The following ASCC3 variants were observed in gnomAD, a reference collection of about 807,000 sequenced individuals.
ASCC3 encodes ASC-1 complex subunit P200.
A neutral mutation model predicts 256.3 loss-of-function variants in ASCC3; 158 were observed. The observed-to-expected ratio is 0.62, with a 90% CI of 0.54 to 0.70. The LOEUF (loss-of-function observed/expected upper bound fraction) is 0.70, where lower values mean the gene tolerates loss of function less well. Ranked by LOEUF, ASCC3 falls within the 30% of genes least tolerant of loss-of-function variation. The pLI, the probability that ASCC3 is intolerant of heterozygous loss-of-function variation, is 0.00. For synonymous variants in ASCC3, 948 were observed against 883.4 expected (o/e 1.07, Z -1.30); for missense variants, 2,259 against 2,626.0 (o/e 0.86, Z 3.05).
intron 11 of ASCC3, among the ~76,000 whole-genome samples, chr6:100,720,292 C>T (rs548820475): frequency 1.3e-5 from 2 of 151,718 alleles, no homozygotes; most frequent in South Asian, 2.1e-4. Context: ...TCATCATAAG[C>T]GTTAAAACTA....
At position 100,840,884 on chromosome 6, in the gene ASCC3, C is replaced by T. The variant is rs906923336; in HGVS notation, c.801+7264G>A. ...GGATATATTTTTCAAAATTAGAAAA[C>T]GAGTTGTATAAAGAATGGGTGGCAA... On this transcript the variant is annotated intron_variant, in intron 4 of 41. Coordinates refer to ENST00000369162, the MANE Select transcript of ASCC3 (RefSeq NM_006828.4). 6.0e-5 allele frequency among the ~76,000 whole-genome samples: 9 copies of T among 150,572 alleles called. No homozygotes were observed. The East Asian group carries it at 7.8e-4, about 13-fold the overall frequency.
At chr6:100,517,819 T>C (rs1774108044) in intron 38 of ASCC3, among the ~76,000 whole-genome samples, 172 bp downstream of exon 38, 1 of 152,120 alleles carries the variant, frequency 6.6e-6, no homozygotes, top group Non-Finnish European at 1.5e-5. Context: ...GATGATCAAA[T>C]TCCAAACAAG....
intron 39 of ASCC3, among the ~76,000 whole-genome samples, chr6:100,514,622 A>G (rs1429115668): frequency 6.6e-6 from 1 of 151,630 alleles, no homozygotes; most frequent in East Asian, 1.9e-4. Context: ...ATATATATAT[A>G]TATTTATGTA....
chr6:100,572,778 A>C (rs1770664067), intron 36 of ASCC3, among the ~76,000 whole-genome samples: 1 of 152,180 alleles, frequency 6.6e-6, no homozygotes, highest in African/African-American at 2.4e-5. Context: ...AATGAACAAA[A>C]AAATGCTGAA....
intron 2 of ASCC3, among the ~76,000 whole-genome samples, chr6:100,865,896 T>C (rs1434202254): frequency 6.6e-6 from 1 of 152,184 alleles, no homozygotes; most frequent in Non-Finnish European, 1.5e-5. Flanking sequence ...GTGACATTTA[T>C]ATGAAACCTG....
At chr6:100,746,563 G>T (rs1187497693) in intron 10 of ASCC3, among the ~76,000 whole-genome samples, 1 of 152,094 alleles carries the variant, frequency 6.6e-6, no homozygotes, top group Non-Finnish European at 1.5e-5. Context: ...TTCTGGGAGT[G>T]CAAGATTTGC....
intron 36 of ASCC3, among the ~76,000 whole-genome samples, chr6:100,557,102 C>T (rs988223226): frequency 6.6e-6 from 1 of 152,214 alleles, no homozygotes; most frequent in South Asian, 2.1e-4. Flanking sequence ...ATCTACTGAG[C>T]GAGCAGAAGC....
intron 36 of ASCC3, among the ~76,000 whole-genome samples, chr6:100,547,324 T>C (rs1410172367): frequency 1.3e-5 from 2 of 151,954 alleles, no homozygotes; most frequent in Non-Finnish European, 2.9e-5. Flanking sequence ...AAAAATTTAT[T>C]TGATGGGACA....
At chr6:100,736,942 C>CT (rs1308093928) in intron 10 of ASCC3, among the ~76,000 whole-genome samples, 1 of 151,986 alleles carries the variant, frequency 6.6e-6, no homozygotes, top group Non-Finnish European at 1.5e-5. Context: ...GAGCTCAGGA[C>CT]TTCAAGACCA....
chr6:100,868,820 T>C lies in ASCC3; in HGVS notation c.-41-782A>G, dbSNP rs191436142. On this transcript the variant is annotated intron_variant, in intron 1 of 41. Coordinates refer to ENST00000369162, the MANE Select transcript of ASCC3 (RefSeq NM_006828.4). ...ACAGGCCAGAAAAGAAAACAGCTGA[T>C]GAGGGGGAAGAACATACCGGGAAAG... is the stretch of plus-strand genomic sequence containing the variant. Among the ~76,000 whole-genome samples the C allele has an allele frequency of 1.5e-3, 233 of 152,216 alleles. 1 individual carries two copies. The highest frequency in any genetic ancestry group is 3.9e-3 in the Admixed American group (59 of 15,292).
intron 30 of ASCC3, among the ~76,000 whole-genome samples, chr6:100,611,355 C>T (rs1298044449): frequency 3.3e-5 from 5 of 152,014 alleles, no homozygotes; most frequent in Non-Finnish European, 7.4e-5. Context: ...ACTACTAGGA[C>T]GGCCTATACA....
At position 100,663,418 on chromosome 6, in the gene ASCC3, C is replaced by T. The variant is rs566065075; in HGVS notation, c.2287-882G>A. 6.6e-5 allele frequency among the ~76,000 whole-genome samples: 10 copies of T among 152,150 alleles called. 1 individual carries two copies. The South Asian group carries it at 1.0e-3, about 16-fold the overall frequency. Reference sequence around the variant, plus strand: ...CATCCAGCCCAGAAAATGAATCGTCCCTTTGTCCAGCATATATAAGCTGTA... The same window carrying T: ...CATCCAGCCCAGAAAATGAATCGTCTCTTTGTCCAGCATATATAAGCTGTA... On this transcript the variant is annotated intron_variant, in intron 14 of 41. Transcript: ENST00000369162.
At chr6:100,678,588 T>C (rs1221027878) in intron 14 of ASCC3, among the ~76,000 whole-genome samples, 1 of 152,016 alleles carries the variant, frequency 6.6e-6, no homozygotes. Context: ...TAAAAGGGCA[T>C]AGCACAATGT....
chr6:100,830,787 T>C (rs536756072), intron 4 of ASCC3, among the ~76,000 whole-genome samples: 2 of 152,342 alleles, frequency 1.3e-5, no homozygotes, highest in South Asian at 2.1e-4. Flanking sequence ...TCAGGTGATA[T>C]GTAAAATGCA....
At chr6:100,513,044 G>T in intron 39 of ASCC3, 126 bp from the exon 40 acceptor site, 1 of 823,226 alleles carries the variant, frequency 1.2e-6, no homozygotes, top group Non-Finnish European at 1.9e-6. Context: ...TAGATCCAAT[G>T]CAGTTGCAGG....
At chr6:100,818,884 T>C (rs2114414531) in intron 4 of ASCC3, among the ~76,000 whole-genome samples, 1 of 151,480 alleles carries the variant, frequency 6.6e-6, no homozygotes, top group East Asian at 2.0e-4. Context: ...CAAAAATCAA[T>C]TGTATTTCTA....
At chr6:100,546,411 C>A (rs1775718673) in intron 36 of ASCC3, among the ~76,000 whole-genome samples, 1 of 151,992 alleles carries the variant, frequency 6.6e-6, no homozygotes, top group South Asian at 2.1e-4. Flanking sequence ...CCTAGAATAG[C>A]CAAAAGCACT....
chr6:100,732,600 A>G (rs73502993), intron 10 of ASCC3, among the ~76,000 whole-genome samples: 1 of 152,234 alleles, frequency 6.6e-6, no homozygotes, highest in Admixed American at 6.5e-5. Context: ...TGTTTATCCA[A>G]GAGCTTCCTG....
intron 8 of ASCC3, among the ~76,000 whole-genome samples, chr6:100,788,669 A>C (rs888898722): frequency 6.6e-6 from 1 of 152,050 alleles, no homozygotes; most frequent in South Asian, 2.1e-4. Flanking sequence ...ATGAATGTCT[A>C]ATGTATTACA....
Sources: allele counts gnomAD v4.1 joint callset (sites outside exome capture counted in the v4.1 genomes callset), GRCh38; gene constraint gnomAD v4.1.1; transcripts MANE v1.5; gene names NCBI Gene and HGNC (gene_info 2026-07-23, HGNC 2026-07-21).